HCN1: variants seen among roughly 807,000 people sequenced by gnomAD.
HCN1 encodes the protein hyperpolarization activated cyclic nucleotide gated potassium channel 1, also known as potassium/sodium hyperpolarization-activated cyclic nucleotide-gated channel 1.
A neutral mutation model predicts 78.9 loss-of-function variants in HCN1; 13 were observed. That is an observed-to-expected ratio of 0.16 (90% CI 0.11 to 0.26). The LOEUF (loss-of-function observed/expected upper bound fraction) is 0.26. HCN1 is among the 10% of genes least tolerant of loss of function. HCN1 has a pLI of 1.00. For synonymous variants in HCN1, 552 were observed against 455.5 expected, an observed-to-expected ratio of 1.21 and a Z score of -2.70; for missense variants, 810 against 1,154.3, an observed-to-expected ratio of 0.70 and a Z score of 4.32.
chr5:45,446,394 A>G (rs1740797509), intron 3 of HCN1, among the ~76,000 whole-genome samples: 1 of 152,180 alleles, frequency 6.6e-6, no homozygotes, highest in Admixed American at 6.5e-5. Flanking sequence ...ATGTGAAAAG[A>G]CCAAATCTAC....
At chr5:45,544,715 C>T (rs1437227908) in intron 2 of HCN1, among the ~76,000 whole-genome samples, 2 of 151,138 alleles carry the variant, frequency 1.3e-5, no homozygotes, top group Admixed American at 6.6e-5. Flanking sequence ...GTTTTCTGTC[C>T]TTGCGATAGT....
At chr5:45,510,465 C>T (rs1324759012) in intron 2 of HCN1, among the ~76,000 whole-genome samples, 1 of 151,980 alleles carries the variant, frequency 6.6e-6, no homozygotes, top group Admixed American at 6.6e-5. Context: ...GAGTCCGGCT[C>T]ACACAGAATG....
rs756565953 is a variant in HCN1 at position 45,262,368 on chromosome 5, C to T, written c.2226G>A (p.Gln742=). The T allele has an allele frequency of 1.2e-6, 2 of 1,612,266 alleles. No individual in the cohort carries two copies. Among genetic ancestry groups the T allele is most frequent in the South Asian group, 2.2e-5 (2 of 91,048 alleles). Residue 742 remains glutamine (Q), a synonymous_variant, in exon 8 of 8, where the codon CAG becomes CAA. Transcript: ENST00000303230. ...QQPQQQVQQS[Q]PPQTQPQQPS... is the part of the protein sequence containing the mutation. ...GCTGCTGTGGCTGAGTCTGCGGCGG[C>T]TGGGACTGCTGTACCTGCTGCTGCG...
chr5:45,641,833 AAG>A (rs1745460255), intron 2 of HCN1: 1 of 152,146 alleles, frequency 6.6e-6, no homozygotes, highest in African/African-American at 2.4e-5. Flanking sequence ...CCTATTCACT[AAG>A]CCCTTAATCT....
chr5:45,338,492 T>C (rs1746510006), intron 5 of HCN1, among the ~76,000 whole-genome samples: 1 of 152,154 alleles, frequency 6.6e-6, no homozygotes, highest in African/African-American at 2.4e-5. Flanking sequence ...TTAATATTTT[T>C]ATCTTTTGTC....
intron 5 of HCN1, among the ~76,000 whole-genome samples, chr5:45,337,366 G>T (rs1463460564): frequency 6.6e-6 from 1 of 151,984 alleles, no homozygotes; most frequent in Non-Finnish European, 1.5e-5. Flanking sequence ...AAAAATACAT[G>T]GACCATAGTA....
At chr5:45,333,410 T>C (rs765297454) in intron 5 of HCN1, among the ~76,000 whole-genome samples, 2 of 151,854 alleles carry the variant, frequency 1.3e-5, no homozygotes, top group African/African-American at 2.4e-5. Context: ...GATGGGTGTG[T>C]TGCAAATATT....
At chr5:45,331,755 A>G (rs1484120586) in intron 5 of HCN1, among the ~76,000 whole-genome samples, 4 of 151,454 alleles carry the variant, frequency 2.6e-5, no homozygotes, top group African/African-American at 9.7e-5. Context: ...AACACGTGAT[A>G]TGCTGTTCTA....
chr5:45,679,252 A>T (rs866693268), intron 1 of HCN1, among the ~76,000 whole-genome samples: 3 of 152,014 alleles, frequency 2.0e-5, no homozygotes, highest in Admixed American at 6.6e-5. Flanking sequence ...CTGAAATAGG[A>T]AACAAACAGT....
intron 4 of HCN1, among the ~76,000 whole-genome samples, chr5:45,390,271 A>C (rs1209436304): frequency 2.0e-5 from 3 of 152,188 alleles, no homozygotes; most frequent in African/African-American, 7.2e-5. Context: ...TTATCAGATT[A>C]GTGGCTCCCT....
intron 6 of HCN1, among the ~76,000 whole-genome samples, chr5:45,289,246 A>T (rs1301800143): frequency 2.0e-5 from 3 of 152,088 alleles, no homozygotes; most frequent in Non-Finnish European, 4.4e-5. Flanking sequence ...TGTAACACTT[A>T]TTATTCATAC....
At chr5:45,650,145 C>T (rs1168703179) in intron 1 of HCN1, among the ~76,000 whole-genome samples, 1 of 152,088 alleles carries the variant, frequency 6.6e-6, no homozygotes, top group Non-Finnish European at 1.5e-5. Context: ...AATCCTAGCT[C>T]CACTAACTGG....
chr5:45,370,111 A>C lies in HCN1; in HGVS notation c.1231-16865T>G, dbSNP rs149158513. ...TTTCTTTGAAAATATAATAGCATATATATGTTTTCACTGTTAATGGAGTAT... is the reference window on the plus strand; with the variant it reads ...TTTCTTTGAAAATATAATAGCATATCTATGTTTTCACTGTTAATGGAGTAT... On this transcript the variant is annotated intron_variant, in intron 4 of 7. Coordinates refer to ENST00000303230, the MANE Select transcript of HCN1 (RefSeq NM_021072.4). 9.2e-5 allele frequency among the ~76,000 whole-genome samples: 14 copies of C among 151,986 alleles called. 1 individual carries two copies. Among genetic ancestry groups the C allele is most frequent in the African/African-American group, 3.4e-4 (14 of 41,436 alleles).
chr5:45,508,518 C>CA (rs1274604124), intron 2 of HCN1, among the ~76,000 whole-genome samples: 3 of 152,018 alleles, frequency 2.0e-5, no homozygotes, highest in African/African-American at 7.2e-5. Flanking sequence ...CTTCTATACT[C>CA]AAACATTAGG....
At chr5:45,652,201 T>C (rs962327625) in intron 1 of HCN1, among the ~76,000 whole-genome samples, 1 of 151,972 alleles carries the variant, frequency 6.6e-6, no homozygotes, top group Non-Finnish European at 1.5e-5. Flanking sequence ...CTCCTGAAAC[T>C]GTATTTTTTT....
chr5:45,545,384 C>T (rs1743193857), intron 2 of HCN1, among the ~76,000 whole-genome samples: 1 of 152,072 alleles, frequency 6.6e-6, no homozygotes, highest in African/African-American at 2.4e-5. Flanking sequence ...AAATTTTCTC[C>T]CATTAGGCAG....
At chr5:45,362,963 AT>A (rs1747146986) in intron 4 of HCN1, among the ~76,000 whole-genome samples, 1 of 151,202 alleles carries the variant, frequency 6.6e-6, no homozygotes, top group African/African-American at 2.4e-5. Context: ...AAAACCTTCA[AT>A]TATAGCTTCC....
chr5:45,404,359 A>G (rs1739879075), intron 3 of HCN1, among the ~76,000 whole-genome samples: 2 of 152,304 alleles, frequency 1.3e-5, no homozygotes, highest in East Asian at 3.9e-4. Flanking sequence ...ATAAAATATA[A>G]GGGAACTGTT....
At chr5:45,377,360 T>A (rs1017355604) in intron 4 of HCN1, among the ~76,000 whole-genome samples, 1 of 152,052 alleles carries the variant, frequency 6.6e-6, no homozygotes, top group African/African-American at 2.4e-5. Context: ...GACTATTTAA[T>A]ATTTTGTGCA....
Sources: allele counts gnomAD v4.1 joint callset (sites outside exome capture counted in the v4.1 genomes callset), GRCh38; gene constraint gnomAD v4.1.1; transcripts MANE v1.5; gene names NCBI Gene and HGNC (gene_info 2026-07-23, HGNC 2026-07-21).